Variants in PKN2 observed in about 807,000 individuals in gnomAD.
PKN2 encodes protein kinase N2, also known as serine/threonine-protein kinase N2.
Under a neutral mutation model 119.1 loss-of-function variants are expected in PKN2, and 38 were observed. That is an observed-to-expected ratio of 0.32 (90% CI 0.25 to 0.42). PKN2 has a LOEUF of 0.42. Ranked by LOEUF, PKN2 falls within the 10% of genes least tolerant of loss-of-function variation. The probability of loss-of-function intolerance (pLI) is 1.00; values close to 1 mark genes in which losing one functional copy is unlikely to be tolerated. For synonymous variants in PKN2, 390 were observed against 384.9 expected, an observed-to-expected ratio of 1.01 and a Z score of -0.15; for missense variants, 850 against 1,165.1, an observed-to-expected ratio of 0.73 and a Z score of 3.94.
chr1:88,811,939 G>T (rs966824923), intron 15 of PKN2, among the ~76,000 whole-genome samples: 1 of 152,154 alleles, frequency 6.6e-6, no homozygotes, highest in African/African-American at 2.4e-5. Context: ...TTATAAAAGA[G>T]GTTGGATTTT....
chr1:88,745,473 A>G (rs898611536), intron 2 of PKN2, among the ~76,000 whole-genome samples: 4 of 152,204 alleles, frequency 2.6e-5, no homozygotes, highest in Admixed American at 6.5e-5. Context: ...TATACTAACT[A>G]TATAATATCT....
intron 8 of PKN2, among the ~76,000 whole-genome samples, chr1:88,802,481 C>T (rs575991364): frequency 6.6e-6 from 1 of 152,088 alleles, no homozygotes. Context: ...GCGTGCACCA[C>T]GCCCGGCTAA....
At chr1:88,785,219 G>C (rs565843290) in intron 7 of PKN2, among the ~76,000 whole-genome samples, 1 of 152,190 alleles carries the variant, frequency 6.6e-6, no homozygotes, top group South Asian at 2.1e-4. Context: ...GTCTCAACCT[G>C]CTGGGTTTAA....
At chr1:88,689,773 T>C (rs1003609156) in intron 1 of PKN2, among the ~76,000 whole-genome samples, 10 of 152,210 alleles carry the variant, frequency 6.6e-5, no homozygotes, top group Non-Finnish European at 1.0e-4. Context: ...ATCACGCAAC[T>C]GCACTCCAGC....
chr1:88,763,575 C>T (rs1474416320), intron 3 of PKN2, among the ~76,000 whole-genome samples: 1 of 143,030 alleles, frequency 7.0e-6, no homozygotes, highest in Non-Finnish European at 1.5e-5. Context: ...CCATTGCACT[C>T]CAGCCTGGGC....
chr1:88,710,846 C>CG (rs1372223860), intron 1 of PKN2, among the ~76,000 whole-genome samples: 1 of 152,140 alleles, frequency 6.6e-6, no homozygotes, highest in East Asian at 1.9e-4. Flanking sequence ...GACACATTCA[C>CG]GCATATGTTC....
intron 16 of PKN2, among the ~76,000 whole-genome samples, chr1:88,819,753 C>G (rs1672168734): frequency 6.6e-6 from 1 of 152,070 alleles, no homozygotes; most frequent in African/African-American, 2.4e-5. Context: ...GACTTGGAAC[C>G]AACCCAAAGG....
chr1:88,737,778 G>C (rs933570570), intron 1 of PKN2, among the ~76,000 whole-genome samples: 1 of 152,170 alleles, frequency 6.6e-6, no homozygotes, highest in Admixed American at 6.5e-5. Flanking sequence ...CAAGTCAAAA[G>C]TCCTGCACTC....
chr1:88,746,862 C>CA (rs1287210067), intron 2 of PKN2, among the ~76,000 whole-genome samples: 1 of 152,118 alleles, frequency 6.6e-6, no homozygotes, highest in African/African-American at 2.4e-5. Flanking sequence ...AAGTGCCCAT[C>CA]AACAGACAAA....
intron 6 of PKN2, among the ~76,000 whole-genome samples, chr1:88,772,415 A>G (rs558748373): frequency 1.9e-4 from 29 of 152,326 alleles, no homozygotes; most frequent in Admixed American, 1.2e-3. Context: ...CTCAAAGGAA[A>G]TTCTCATTGG....
intron 2 of PKN2, among the ~76,000 whole-genome samples, chr1:88,757,103 C>T (rs920313726): frequency 6.6e-6 from 1 of 152,002 alleles, no homozygotes; most frequent in Non-Finnish European, 1.5e-5. Flanking sequence ...TTTTTTGGAG[C>T]AGCCCATTTG....
intron 15 of PKN2, among the ~76,000 whole-genome samples, chr1:88,811,702 C>CA (rs1466432724): frequency 2.6e-5 from 4 of 152,190 alleles, no homozygotes; most frequent in Non-Finnish European, 4.4e-5. Context: ...CTACAACACT[C>CA]AAACTATTAG....
intron 1 of PKN2, among the ~76,000 whole-genome samples, chr1:88,705,848 G>A (rs1666980469): frequency 6.6e-6 from 1 of 151,682 alleles, no homozygotes; most frequent in African/African-American, 2.4e-5. Context: ...GTCCCATGCT[G>A]TATTTATTAA....
intron 1 of PKN2, among the ~76,000 whole-genome samples, chr1:88,695,031 G>A (rs1274902457): frequency 1.3e-5 from 2 of 152,058 alleles, no homozygotes; most frequent in African/African-American, 4.8e-5. Flanking sequence ...GGAGGCTGAG[G>A]CAGGAGAATG....
intron 1 of PKN2, among the ~76,000 whole-genome samples, chr1:88,739,893 C>T (rs1447339414): frequency 6.6e-6 from 1 of 151,988 alleles, no homozygotes; most frequent in Non-Finnish European, 1.5e-5. Flanking sequence ...TGCTTTTGTA[C>T]TGAGTCAACC....
chr1:88,829,685 G>A (rs1382463659), intron 19 of PKN2, among the ~76,000 whole-genome samples: 1 of 152,092 alleles, frequency 6.6e-6, no homozygotes, highest in Non-Finnish European at 1.5e-5. Flanking sequence ...ATAAGTAATT[G>A]AAGATTACTT....
intron 2 of PKN2, among the ~76,000 whole-genome samples, chr1:88,752,083 T>A (rs967729530): frequency 1.3e-5 from 2 of 152,296 alleles, no homozygotes; most frequent in Non-Finnish European, 2.9e-5. Context: ...ATTTCATCAA[T>A]TATGGGAAAT....
intron 8 of PKN2, among the ~76,000 whole-genome samples, chr1:88,795,925 A>G (rs1557617147): frequency 6.6e-6 from 1 of 152,238 alleles, no homozygotes. Flanking sequence ...TACCATTAAC[A>G]CATATTTTAC....
chr1:88,688,321 G>A (rs1280972928), intron 1 of PKN2, among the ~76,000 whole-genome samples: 1 of 152,058 alleles, frequency 6.6e-6, no homozygotes, highest in Non-Finnish European at 1.5e-5. Context: ...TCCTGACCTC[G>A]TGATTCGCTT....
Sources: allele counts gnomAD v4.1 joint callset (sites outside exome capture counted in the v4.1 genomes callset), GRCh38; gene constraint gnomAD v4.1.1; transcripts MANE v1.5; gene names NCBI Gene and HGNC (gene_info 2026-07-23, HGNC 2026-07-21).